RFXAP: variants seen among roughly 807,000 people sequenced by gnomAD.
The protein encoded by RFXAP is regulatory factor X associated protein, also known as regulatory factor X-associated protein.
A neutral mutation model predicts 25.7 loss-of-function variants in RFXAP; 21 were observed. The observed-to-expected ratio is 0.82, with a 90% CI of 0.58 to 1.18. The LOEUF is 1.18. RFXAP is among the 50% of genes most tolerant of loss of function. The pLI is 0.00. For missense variants in RFXAP, 333 were observed against 363.0 expected (o/e 0.92, Z 0.67); for synonymous variants, 161 against 152.2 (o/e 1.06, Z -0.43).
rs1410763659 is a variant in RFXAP, at chr13:36,827,686, A to G, written c.752A>G (p.Gln251Arg). The G allele has an allele frequency of 1.9e-6, 3 of 1,613,834 alleles. No individual in the cohort carries two copies. The highest frequency in any genetic ancestry group is 2.5e-6 in the Non-Finnish European group (3 of 1,179,838). The change falls in exon 3 of 3, where the codon CAG becomes CGG. Residue 251 changes from glutamine to arginine, a missense_variant. Coordinates refer to ENST00000255476, the MANE Select transcript of RFXAP (RefSeq NM_000538.4). ...SPEVVQFLQK[Q>R]QQLLNQQVLE... is the part of the protein sequence containing the mutation. ...GAAGTAGTGCAATTTTTACAGAAAC[A>G]GCAACAGCTATTAAATCAGCAAGTT...
In RFXAP at chr13:36,819,857, A is replaced by G; in HGVS notation, c.500A>G (p.Asn167Ser). Residue 167 changes from asparagine to serine, a missense_variant, in exon 1 of 3, where the codon AAC becomes AGC. Coordinates refer to ENST00000255476, the MANE Select transcript of RFXAP (RefSeq NM_000538.4). The stretch of plus-strand genomic sequence containing the variant: ...CCGTGGATGTGCAAGAAACACCGCA[A>G]CAAGATGTACAAGGACAAGTATAAA... ...RKPWMCKKHR[N>S]KMYKDKYKKK... 1 of 1,610,264 alleles carries G rather than the reference A, an allele frequency of 6.2e-7. No homozygotes were observed. Among genetic ancestry groups the G allele is most frequent in the Non-Finnish European group, 8.5e-7 (1 of 1,178,160 alleles).
intron 1 of RFXAP, among the ~76,000 whole-genome samples, chr13:36,820,594 T>C (rs1340717684): frequency 6.6e-6 from 1 of 152,210 alleles, no homozygotes; most frequent in Non-Finnish European, 1.5e-5. Flanking sequence ...TAATATACTT[T>C]GTTCTCAGTA....
chr13:36,824,561 A>G (rs1271288400), intron 1 of RFXAP, among the ~76,000 whole-genome samples: 4 of 152,296 alleles, frequency 2.6e-5, no homozygotes, highest in African/African-American at 9.6e-5. Context: ...CCGGTAAAAC[A>G]TTTATAATTT....
chr13:36,819,298 C>T lies in RFXAP; in HGVS notation c.-60C>T. Reference sequence around the variant, plus strand: ...CCTGAGTCTTTGGTTCGCGAAGTGCCGTTAGGCCAAGCAGGTGCTAAAAGC... The same window carrying T: ...CCTGAGTCTTTGGTTCGCGAAGTGCTGTTAGGCCAAGCAGGTGCTAAAAGC... On this transcript the variant is annotated 5_prime_UTR_variant, in exon 1 of 3. Transcript: ENST00000255476. 15 of 1,238,098 alleles carry T rather than the reference C, an allele frequency of 1.2e-5. No individual in the cohort carries two copies. Among genetic ancestry groups the T allele is most frequent in the Middle Eastern group, 6.3e-4 (2 of 3,152 alleles). 76.7% of individuals were successfully genotyped at this position (1,238,098 alleles called of 1,614,324 possible).
intron 1 of RFXAP, among the ~76,000 whole-genome samples, chr13:36,822,606 C>A (rs1566319730): frequency 6.6e-6 from 1 of 152,146 alleles, no homozygotes; most frequent in Non-Finnish European, 1.5e-5. Context: ...GTTGCCCAGG[C>A]TGGCCTCGAA....
chr13:36,820,259 G>C (rs2138213351), intron 1 of RFXAP, among the ~76,000 whole-genome samples: 1 of 152,298 alleles, frequency 6.6e-6, no homozygotes, highest in South Asian at 2.1e-4. Context: ...TGATCGGTCT[G>C]GTTCATCGCT....
Position 36,827,745 on chromosome 13 carries a change from T to C in RFXAP, c.811T>C (p.Ser271Pro), listed in dbSNP as rs1281159944. Residue 271 changes from serine (S) to proline (P), a missense_variant, in exon 3 of 3, where the codon TCA becomes CCA. Ser to Pro is a moderately conservative substitution (Grantham distance 74). Transcript: ENST00000255476. ...AAGACAACAGCAGTTTCCAGGAACA[T>C]CAATGTGAGGGAACTTACCAAGAAC... ...EQRQQQFPGT[S>P]M is the part of the protein sequence containing the mutation. 1.2e-6 allele frequency: 2 copies of C among 1,611,540 alleles called. No individual in the cohort carries two copies. Among genetic ancestry groups the C allele is most frequent in the African/African-American group, 2.7e-5 (2 of 74,622 alleles).
At chr13:36,827,085 T>G (rs905372230) in intron 2 of RFXAP, among the ~76,000 whole-genome samples, 1 of 152,168 alleles carries the variant, frequency 6.6e-6, no homozygotes, top group African/African-American at 2.4e-5. Context: ...TTGGATGTTT[T>G]AGAGCAGTTA....
In RFXAP at chr13:36,819,592, G is replaced by A; in HGVS notation, c.235G>A (p.Gly79Arg). 2 of 1,535,920 alleles carry A rather than the reference G, an allele frequency of 1.3e-6. No homozygotes were observed. The highest frequency in any genetic ancestry group is 1.8e-6 in the Non-Finnish European group (2 of 1,138,262). ...CGTTAGGTACCTGTGCGAAGGGGCCGGGGATGGCGAAGAGGAGGCTGGGGA... is the reference window on the plus strand; with the variant it reads ...CGTTAGGTACCTGTGCGAAGGGGCCAGGGATGGCGAAGAGGAGGCTGGGGA... ...KPVRYLCEGAGDGEEEAGEDE... is the reference protein window; with the variant it reads ...KPVRYLCEGARDGEEEAGEDE... Residue 79 changes from glycine (G) to arginine (R), a missense_variant, in exon 1 of 3, where the codon GGG (glycine) becomes AGG (arginine). Gly to Arg is a moderately radical substitution (Grantham distance 125). Transcript: ENST00000255476.
Position 36,819,536 on chromosome 13 carries a change from C to A in RFXAP, c.179C>A (p.Ala60Asp). 6.6e-7 allele frequency: 1 copy of A among 1,522,922 alleles called. No individual in the cohort carries two copies. Among genetic ancestry groups the A allele is most frequent in the Non-Finnish European group, 8.8e-7 (1 of 1,133,148 alleles). The allele number at this position is 1,522,922 out of a possible 1,614,324, so 94.3% of individuals were successfully genotyped here. Residue 60 changes from alanine to aspartate, a missense_variant, in exon 1 of 3, where the codon GCC becomes GAC. Physicochemically the swap from Ala to Asp is moderately radical, Grantham distance 126. Coordinates refer to ENST00000255476, the MANE Select transcript of RFXAP (RefSeq NM_000538.4). ...TGTGCTGGGCAGGACGAGGCTGCGGCCCCCGGGGGCAGCGTTGGGGCGGGC... is the reference window on the plus strand; with the variant it reads ...TGTGCTGGGCAGGACGAGGCTGCGGACCCCGGGGGCAGCGTTGGGGCGGGC... ...QPCAGQDEAA[A>D]PGGSVGAGKP...
Position 36,826,739 on chromosome 13 carries a change from C to G in RFXAP, c.709-904C>G, listed in dbSNP as rs149648165. On this transcript the variant is annotated intron_variant, in intron 2 of 2. Coordinates refer to ENST00000255476, the MANE Select transcript of RFXAP (RefSeq NM_000538.4). ...AACTGTTTAATAAATAGAAAATGTACTAAGATATAATACATATAATCTGAA... is the reference window on the plus strand; with the variant it reads ...AACTGTTTAATAAATAGAAAATGTAGTAAGATATAATACATATAATCTGAA... 4.5e-3 allele frequency among the ~76,000 whole-genome samples: 682 copies of G among 152,200 alleles called. 5 individuals carry two copies. Among genetic ancestry groups the G allele is most frequent in the African/African-American group, 9.2e-3 (381 of 41,520 alleles).
chr13:36,827,770 C>CT lies in RFXAP; in HGVS notation c.*17_*18insT, dbSNP rs758067993. 45 of 1,512,370 alleles carry CT rather than the reference C, an allele frequency of 3.0e-5. No individual in the cohort carries two copies. The highest frequency in any genetic ancestry group is 2.1e-5 in the Non-Finnish European group (23 of 1,119,788). 93.7% of individuals were successfully genotyped at this position (1,512,370 alleles called of 1,614,324 possible). On this transcript the variant is annotated 3_prime_UTR_variant, in exon 3 of 3. Transcript: ENST00000255476. ...TCAATGTGAGGGAACTTACCAAGAA[C>CT]ATCTACATGGTTTTTTATCTTATTG... is the stretch of plus-strand genomic sequence containing the variant.
Position 36,819,902 on chromosome 13 carries a change from C to T in RFXAP, c.545C>T (p.Ala182Val). Residue 182 changes from alanine to valine, a missense_variant, in exon 1 of 3, where the codon GCC becomes GTC. Coordinates refer to ENST00000255476, the MANE Select transcript of RFXAP (RefSeq NM_000538.4). ...TATAAAAAGAAGAAGAGCGACCAGG[C>T]CCTGAACTGCGGTGGGACTGCCTCG... ...DKYKKKKSDQ[A>V]LNCGGTASTG... is the part of the protein sequence containing the mutation. 1 of 1,613,670 alleles carries T rather than the reference C, an allele frequency of 6.2e-7. No homozygotes were observed.
chr13:36,826,401 T>C (rs2057978003), intron 2 of RFXAP, among the ~76,000 whole-genome samples: 1 of 152,106 alleles, frequency 6.6e-6, no homozygotes, highest in Non-Finnish European at 1.5e-5. Flanking sequence ...GTGAAAATTA[T>C]TTAAACGATT....
At chr13:36,825,822 C>CA (rs2057976403) in intron 2 of RFXAP, among the ~76,000 whole-genome samples, 1 of 151,946 alleles carries the variant, frequency 6.6e-6, no homozygotes, top group Non-Finnish European at 1.5e-5. Flanking sequence ...TGACCTAGAG[C>CA]AAAAATATGT....
rs764140076 is a variant in RFXAP at position 36,828,779 on chromosome 13, A to T, written c.*1026A>T. On this transcript the variant is annotated 3_prime_UTR_variant, in exon 3 of 3. Coordinates refer to ENST00000255476, the MANE Select transcript of RFXAP (RefSeq NM_000538.4). The stretch of plus-strand genomic sequence containing the variant: ...TTCAAAAATGATAAGTAATCTGGAT[A>T]CCTTTTTCTTATACTTTCTCCTAGG... The T allele has an allele frequency of 2.0e-5, 3 of 152,210 alleles. No individual in the cohort carries two copies. The highest frequency in any genetic ancestry group is 2.9e-5 in the Non-Finnish European group (2 of 68,024). 9.4% of individuals were successfully genotyped at this position (152,210 alleles called of 1,614,324 possible).
At chr13:36,820,083 G>T in intron 1 of RFXAP, 126 bp downstream of exon 1, 1 of 1,375,436 alleles carries the variant, frequency 7.3e-7, no homozygotes. Context: ...CTGGGTTAGT[G>T]GTTGAGAATT....
At position 36,819,284 on chromosome 13, in the gene RFXAP, G is replaced by A. The variant is rs2057952634; in HGVS notation, c.-74G>A. On this transcript the variant is annotated 5_prime_UTR_variant, in exon 1 of 3. Transcript: ENST00000255476. ...TTACCCCAGCGTGTCCTGAGTCTTT[G>A]GTTCGCGAAGTGCCGTTAGGCCAAG... The A allele has an allele frequency of 8.2e-7, 1 of 1,223,272 alleles. No homozygotes were observed. The highest frequency in any genetic ancestry group is 1.0e-6 in the Non-Finnish European group (1 of 979,056). The allele number at this position is 1,223,272 out of a possible 1,614,324, so 75.8% of individuals were successfully genotyped here.
Position 36,828,882 on chromosome 13 carries a change from A to G in RFXAP, c.*1129A>G, listed in dbSNP as rs1048761185. ...ATGTCAAGAGAGTATATCCAATATT[A>G]GGATATAAATGTATGTGTCTCAAGT... is the stretch of plus-strand genomic sequence containing the variant. On this transcript the variant is annotated 3_prime_UTR_variant, in exon 3 of 3. Transcript: ENST00000255476. The G allele has an allele frequency of 6.6e-6, 1 of 152,242 alleles. No homozygotes were observed. Among genetic ancestry groups the G allele is most frequent in the Non-Finnish European group, 1.5e-5 (1 of 68,032 alleles). 9.4% of individuals were successfully genotyped at this position (152,242 alleles called of 1,614,324 possible).
Sources: allele counts gnomAD v4.1 joint callset (sites outside exome capture counted in the v4.1 genomes callset), GRCh38; gene constraint gnomAD v4.1.1; transcripts MANE v1.5; gene names NCBI Gene and HGNC (gene_info 2026-07-23, HGNC 2026-07-21).